The following PISD variants were observed in gnomAD, a reference collection of about 807,000 sequenced individuals.
The protein encoded by PISD is phosphatidylserine decarboxylase proenzyme, mitochondrial.
A neutral mutation model predicts 43.5 loss-of-function variants in PISD; 31 were observed. That is an observed-to-expected ratio of 0.71 (90% confidence interval 0.54 to 0.96). The LOEUF (loss-of-function observed/expected upper bound fraction) is 0.96. Among genes scored for constraint, PISD ranks in the 40% least tolerant of loss-of-function variants. The pLI, the probability that PISD is intolerant of heterozygous loss-of-function variation, is 0.00. For missense variants in PISD, 523 were observed against 548.4 expected (o/e 0.95, Z 0.46); for synonymous variants, 259 against 228.7 (o/e 1.13, Z -1.20).
At chr22:31,629,548 GGT>G (rs538667068) in intron 3 of PISD, among the ~76,000 whole-genome samples, 171 of 147,510 alleles carry the variant, frequency 1.2e-3, no homozygotes, top group Non-Finnish European at 2.1e-3. Flanking sequence ...TAGGTGAGGG[GGT>G]GTGTGCCTGT....
chr22:31,621,081 G>A lies in PISD; in HGVS notation c.759C>T (p.His253=). ...CCCCAGGGGCCAGGTAGATGACACAGTGATAGAGCTCATTCCCTTCCCGGG... is the reference window on the plus strand; with the variant it reads ...CCCCAGGGGCCAGGTAGATGACACAATGATAGAGCTCATTCCCTTCCCGGG... The part of the protein sequence containing the change: ...LVTREGNELY[H]CVIYLAPGDY... Residue 253 remains histidine (H), a synonymous_variant, in exon 6 of 8, where the codon CAC becomes CAT. Transcript: ENST00000439502. 6.2e-7 allele frequency: 1 copy of A among 1,614,160 alleles called. No individual in the cohort carries two copies. Among genetic ancestry groups the A allele is most frequent in the Non-Finnish European group, 8.5e-7 (1 of 1,180,008 alleles).
intron 6 of PISD, 37 bp downstream of exon 6, chr22:31,620,959 A>G: frequency 6.3e-7 from 1 of 1,587,268 alleles, no homozygotes; most frequent in South Asian, 1.1e-5. Context: ...TATGAAGCCC[A>G]CAGAGGCAGC....
At chr22:31,645,082 C>A (rs1672701043) in intron 3 of PISD, among the ~76,000 whole-genome samples, 1 of 151,982 alleles carries the variant, frequency 6.6e-6, no homozygotes, top group South Asian at 2.1e-4. Flanking sequence ...GATCATGCCA[C>A]TGCATTCCAG....
chr22:31,631,900 CACT>C (rs1243021782), intron 3 of PISD, among the ~76,000 whole-genome samples: 2 of 152,200 alleles, frequency 1.3e-5, no homozygotes, highest in Middle Eastern at 3.2e-3. Context: ...GGCTTCTCAC[CACT>C]GAGATCTTTG....
chr22:31,620,914 CT>C, intron 6 of PISD, 81 bp downstream of exon 6: 1 of 1,483,188 alleles, frequency 6.7e-7, no homozygotes, highest in South Asian at 1.3e-5. Flanking sequence ...GATCTGGAGC[CT>C]GGTCCCCCAA....
intron 3 of PISD, among the ~76,000 whole-genome samples, chr22:31,635,731 G>T (rs1227220182): frequency 6.6e-6 from 1 of 152,170 alleles, no homozygotes; most frequent in Non-Finnish European, 1.5e-5. Context: ...TCCGCCCTCT[G>T]CGATCTCCTC....
chr22:31,633,790 C>G (rs1308253693), intron 3 of PISD, among the ~76,000 whole-genome samples: 1 of 152,150 alleles, frequency 6.6e-6, no homozygotes, highest in Non-Finnish European at 1.5e-5. Context: ...TAGCACTACC[C>G]CACCTTCCAA....
chr22:31,647,072 A>G, intron 3 of PISD, among the ~76,000 whole-genome samples: 1 of 152,096 alleles, frequency 6.6e-6, no homozygotes, highest in Non-Finnish European at 1.5e-5. Context: ...ACTAGATTCT[A>G]TTGGAAGAAA....
rs1008494730 is a variant in PISD, at chr22:31,630,530, G to C, written c.322-8645C>G. 2 of 176,406 alleles carry C rather than the reference G, an allele frequency of 1.1e-5. No individual in the cohort carries two copies. Among genetic ancestry groups the C allele is most frequent in the African/African-American group, 2.4e-5 (1 of 41,906 alleles). 10.9% of individuals were successfully genotyped at this position (176,406 alleles called of 1,614,324 possible). ...CTCTTCACTTCCCGTACCCGCGCCC[G>C]GCAGGAGATAAGATGTGGAGGAAGT... On this transcript the variant is annotated intron_variant, in intron 3 of 7. Transcript: ENST00000439502. This position sits in a 1 kb window ranked among gnomAD's most constrained non-coding sequence, Gnocchi z 4.4.
At chr22:31,640,812 C>A (rs2073682132) in intron 3 of PISD, among the ~76,000 whole-genome samples, 1 of 148,792 alleles carries the variant, frequency 6.7e-6, no homozygotes, top group East Asian at 2.0e-4. Flanking sequence ...AACTCCTGAC[C>A]TCAGGTGATC....
At chr22:31,637,190 T>A (rs1398410123) in intron 3 of PISD, among the ~76,000 whole-genome samples, 3 of 80,626 alleles carry the variant, frequency 3.7e-5, no homozygotes, top group East Asian at 4.1e-4. Flanking sequence ...TATATATATA[T>A]ATATATATAT....
intron 1 of PISD, among the ~76,000 whole-genome samples, chr22:31,661,865 G>A (rs551306302): frequency 1.3e-5 from 2 of 152,280 alleles, no homozygotes; most frequent in South Asian, 4.1e-4. Flanking sequence ...CTCGACTCAA[G>A]AGACGGGCAG....
In PISD at chr22:31,648,091, T is replaced by C. The variant is rs762780859; in HGVS notation, c.321+10A>G. 6.2e-7 allele frequency: 1 copy of C among 1,607,732 alleles called. No homozygotes were observed. Among genetic ancestry groups the C allele is most frequent in the African/African-American group, 1.3e-5 (1 of 74,734 alleles). ...GACGAGAACCCAAGGCAGTTCCACC[T>C]CATTCCTACCTCCCAGTGACCAGCA... On this transcript the variant is annotated intron_variant, in intron 3 of 7. Transcript: ENST00000439502.
chr22:31,620,635 G>A lies in PISD; in HGVS notation c.923C>T (p.Thr308Met), dbSNP rs34736247. Residue 308 changes from threonine (T) to methionine (M), a missense_variant, in exon 7 of 8, where the codon ACG becomes ATG. Transcript: ENST00000439502. ...LFCHNERVVL[T>M]GDWKHGFFSL... ...GAAGAAGCCATGTTTCCAGTCCCCCGTCAGGACCACCCGCTCGTTATGGCA... is the reference window on the plus strand; with the variant it reads ...GAAGAAGCCATGTTTCCAGTCCCCCATCAGGACCACCCGCTCGTTATGGCA... 1,143 of 1,614,172 alleles carry A rather than the reference G, an allele frequency of 7.1e-4. 10 individuals are homozygous for A. In the African/African-American group the frequency reaches 0.013, roughly 18 times the overall value.
chr22:31,618,865 T>C lies in PISD; in HGVS notation c.*747A>G, dbSNP rs2147589841. The stretch of plus-strand genomic sequence containing the variant: ...CTCCCATTTCCCCAGCTGGGCCTAC[T>C]ACCTGCCTGCCCTGTTCACTCTGGT... On this transcript the variant is annotated 3_prime_UTR_variant, in exon 8 of 8. Coordinates refer to ENST00000439502, the MANE Select transcript of PISD (RefSeq NM_001326411.2). 6.2e-6 allele frequency: 1 copy of C among 161,244 alleles called. No individual in the cohort carries two copies. Among genetic ancestry groups the C allele is most frequent in the East Asian group, 1.9e-4 (1 of 5,384 alleles). 10.0% of individuals were successfully genotyped at this position (161,244 alleles called of 1,614,324 possible).
chr22:31,655,838 T>C (rs976991174), intron 1 of PISD, among the ~76,000 whole-genome samples: 2 of 151,870 alleles, frequency 1.3e-5, no homozygotes, highest in East Asian at 2.0e-4. Context: ...GGTTTCGCCA[T>C]GTTGGCCAGG....
chr22:31,653,054 A>AC, intron 1 of PISD, among the ~76,000 whole-genome samples: 1 of 151,568 alleles, frequency 6.6e-6, no homozygotes, highest in Non-Finnish European at 1.5e-5. Flanking sequence ...AAAAAAAAAA[A>AC]AAAAACCACA....
intron 3 of PISD, among the ~76,000 whole-genome samples, chr22:31,632,548 G>A (rs899921739): frequency 6.6e-6 from 1 of 152,162 alleles, no homozygotes; most frequent in African/African-American, 2.4e-5. Context: ...GGTGTTCTCT[G>A]AGTACCCTAG....
chr22:31,651,057 G>A (rs1448394128), intron 1 of PISD, among the ~76,000 whole-genome samples: 2 of 152,088 alleles, frequency 1.3e-5, no homozygotes, highest in East Asian at 1.9e-4. Flanking sequence ...TCTGCCTCCC[G>A]GGCTCAAGTG....
Sources: allele counts gnomAD v4.1 joint callset (sites outside exome capture counted in the v4.1 genomes callset), GRCh38; gene constraint gnomAD v4.1.1; non-coding constraint Gnocchi (gnomAD v3.1); transcripts MANE v1.5; gene names NCBI Gene and HGNC (gene_info 2026-07-23, HGNC 2026-07-21).